The following FSIP1 variants were observed in gnomAD, a reference collection of about 807,000 sequenced individuals.
FSIP1 encodes the protein fibrous sheath-interacting protein 1.
In FSIP1, 65 loss-of-function variants were observed where a neutral mutation model predicts 60.9. That is an observed-to-expected ratio of 1.07 (90% confidence interval 0.87 to 1.31). The LOEUF (loss-of-function observed/expected upper bound fraction) is 1.31. Among genes scored for constraint, FSIP1 ranks in the 40% most tolerant of loss-of-function variants. FSIP1 has a pLI of 0.00. For missense variants in FSIP1, 675 were observed against 665.5 expected (o/e 1.01, Z -0.16); for synonymous variants, 209 against 221.2 (o/e 0.94, Z 0.49).
At chr15:39,677,036 G>C (rs1595602906) in intron 10 of FSIP1, among the ~76,000 whole-genome samples, 1 of 152,158 alleles carries the variant, frequency 6.6e-6, no homozygotes, top group African/African-American at 2.4e-5. Context: ...CAAGACACTA[G>C]GAGAGGGCAG....
intron 8 of FSIP1, among the ~76,000 whole-genome samples, chr15:39,734,766 C>T (rs768585227): frequency 1.3e-5 from 2 of 151,730 alleles, no homozygotes; most frequent in East Asian, 1.9e-4. Context: ...AAAAAGTATG[C>T]GGTCGTAATG....
rs563840532 is a variant in FSIP1 at position 39,662,470 on chromosome 15, A to G, written c.1189-44225T>C. 2.0e-5 allele frequency among the ~76,000 whole-genome samples: 3 copies of G among 152,296 alleles called. No individual in the cohort carries two copies. The South Asian group carries it at 6.2e-4, about 32-fold the overall frequency. ...AGATTTAGCAGGTAAGATGTTTTGAAGTAACAGATGTTCTGGAAATTAAGG... is the reference window on the plus strand; with the variant it reads ...AGATTTAGCAGGTAAGATGTTTTGAGGTAACAGATGTTCTGGAAATTAAGG... On this transcript the variant is annotated intron_variant, in intron 10 of 11. Transcript: ENST00000350221.
intron 5 of FSIP1, among the ~76,000 whole-genome samples, chr15:39,750,479 A>G (rs1456993773): frequency 6.6e-6 from 1 of 151,980 alleles, no homozygotes; most frequent in East Asian, 1.9e-4. Context: ...CCAAAAATAA[A>G]TCCAAACATA....
intron 9 of FSIP1, among the ~76,000 whole-genome samples, chr15:39,715,386 T>C (rs2140560010): frequency 6.6e-6 from 1 of 152,266 alleles, no homozygotes; most frequent in South Asian, 2.1e-4. Flanking sequence ...CTTACCACAC[T>C]GTCACCACCT....
intron 2 of FSIP1, among the ~76,000 whole-genome samples, chr15:39,771,058 C>T (rs1447490051): frequency 6.6e-6 from 1 of 152,170 alleles, no homozygotes; most frequent in Non-Finnish European, 1.5e-5. Context: ...GTGCTTTGGT[C>T]ATTTATTTAT....
At chr15:39,763,699 C>T in intron 5 of FSIP1, 122 bp downstream of exon 5, 1 of 627,992 alleles carries the variant, frequency 1.6e-6, no homozygotes, top group East Asian at 2.6e-5. Flanking sequence ...CAATTATTTC[C>T]CTAAAGAACA....
At chr15:39,728,335 TC>T (rs1226011599) in intron 8 of FSIP1, among the ~76,000 whole-genome samples, 10 of 152,222 alleles carry the variant, frequency 6.6e-5, no homozygotes, top group Non-Finnish European at 1.3e-4. Flanking sequence ...GCCAAGGCAA[TC>T]CTAAGCAAAA....
chr15:39,747,514 T>C (rs1212365506), intron 5 of FSIP1: 1 of 152,200 alleles, frequency 6.6e-6, no homozygotes, highest in Non-Finnish European at 1.5e-5. Context: ...TTGTGACTCA[T>C]CTGCTGGTTG....
At chr15:39,695,686 ATTGT>A (rs566876614) in intron 10 of FSIP1, among the ~76,000 whole-genome samples, 206 of 152,330 alleles carry the variant, frequency 1.4e-3, no homozygotes, top group African/African-American at 4.8e-3. Context: ...ACTACGGGAC[ATTGT>A]TTGAGTTGCT....
intron 2 of FSIP1, among the ~76,000 whole-genome samples, chr15:39,774,099 G>C (rs180838045): frequency 5.3e-5 from 8 of 152,254 alleles, no homozygotes; most frequent in Non-Finnish European, 1.2e-4. Context: ...ATATCACAAA[G>C]TTAGAAATTC....
chr15:39,765,445 T>C (rs955290187), intron 4 of FSIP1, 147 bp downstream of exon 4: 26 of 496,372 alleles, frequency 5.2e-5, no homozygotes, highest in Non-Finnish European at 9.0e-5. Context: ...GGTCTCTTTA[T>C]GTTGTCCAGG....
chr15:39,622,290 T>C (rs555574570), intron 10 of FSIP1, among the ~76,000 whole-genome samples: 1 of 152,282 alleles, frequency 6.6e-6, no homozygotes, highest in Non-Finnish European at 1.5e-5. Context: ...TGCATCTCAG[T>C]CCTCATTTTT....
intron 5 of FSIP1, among the ~76,000 whole-genome samples, chr15:39,758,671 T>C (rs1349280235): frequency 6.6e-6 from 1 of 152,144 alleles, no homozygotes; most frequent in Non-Finnish European, 1.5e-5. Context: ...TCATAAGCTA[T>C]AGCTTTAGAG....
intron 5 of FSIP1, among the ~76,000 whole-genome samples, chr15:39,751,637 C>T (rs1275981579): frequency 6.6e-6 from 1 of 150,990 alleles, no homozygotes; most frequent in African/African-American, 2.4e-5. Flanking sequence ...GGGAATAAAA[C>T]AATGATTACC....
intron 10 of FSIP1, among the ~76,000 whole-genome samples, chr15:39,645,591 G>A (rs989673433): frequency 6.6e-6 from 1 of 151,602 alleles, no homozygotes; most frequent in Non-Finnish European, 1.5e-5. Context: ...GGAACTCCCA[G>A]TTGGGAAGCA....
At chr15:39,698,269 T>C (rs1411862874) in intron 10 of FSIP1, among the ~76,000 whole-genome samples, 1 of 151,674 alleles carries the variant, frequency 6.6e-6, no homozygotes, top group Admixed American at 6.6e-5. Flanking sequence ...GTGAGTTAAA[T>C]ATAATTTCAT....
intron 11 of FSIP1, among the ~76,000 whole-genome samples, chr15:39,610,580 C>T (rs917982084): frequency 1.3e-4 from 20 of 152,136 alleles, no homozygotes; most frequent in African/African-American, 4.6e-4. Context: ...GCAGGAGAAT[C>T]GCTTGAACCC....
At chr15:39,726,813 G>A (rs1296663591) in intron 8 of FSIP1, 66 bp from the exon 9 acceptor site, 1 of 1,374,022 alleles carries the variant, frequency 7.3e-7, no homozygotes, top group Non-Finnish European at 1.0e-6. Context: ...TACCTTTCAA[G>A]TGGCTATAAC....
At chr15:39,774,130 G>T (rs1056824759) in intron 2 of FSIP1, among the ~76,000 whole-genome samples, 1 of 152,138 alleles carries the variant, frequency 6.6e-6, no homozygotes, top group East Asian at 1.9e-4. Context: ...AATCTGTAAA[G>T]TCAAAGCAAT....
Sources: allele counts gnomAD v4.1 joint callset (sites outside exome capture counted in the v4.1 genomes callset), GRCh38; gene constraint gnomAD v4.1.1; transcripts MANE v1.5; gene names NCBI Gene and HGNC (gene_info 2026-07-23, HGNC 2026-07-21).